The following FNDC7 variants were observed in gnomAD, a reference collection of about 807,000 sequenced individuals.
FNDC7 encodes fibronectin type III domain containing 7, also known as fibronectin type III domain-containing protein 7.
A neutral mutation model predicts 74.2 loss-of-function variants in FNDC7; 66 were observed. The ratio of observed to expected loss-of-function variants is 0.89; its 90% CI spans 0.73 to 1.09. The LOEUF (loss-of-function observed/expected upper bound fraction) is 1.09. Among genes scored for constraint, FNDC7 ranks in the 50% least tolerant of loss-of-function variants. The probability of loss-of-function intolerance (pLI) is 0.00; values close to 1 mark genes in which losing one functional copy is unlikely to be tolerated. For missense variants in FNDC7, 829 were observed against 893.4 expected, an observed-to-expected ratio of 0.93 and a Z score of 0.92; for synonymous variants, 307 against 330.2, an observed-to-expected ratio of 0.93 and a Z score of 0.76.
chr1:108,720,474 C>A (rs758925892), intron 4 of FNDC7, among the ~76,000 whole-genome samples: 2 of 152,194 alleles, frequency 1.3e-5, no homozygotes, highest in African/African-American at 2.4e-5. Context: ...TTAAAGACTT[C>A]CCCTACATAG....
In FNDC7 at chr1:108,742,014, C is replaced by G. The variant is rs1270334520; in HGVS notation, c.*127C>G. The G allele has an allele frequency of 1.2e-5, 7 of 597,232 alleles. No individual in the cohort carries two copies. The highest frequency in any genetic ancestry group is 2.0e-5 in the South Asian group (1 of 49,128). The allele number at this position is 597,232 out of a possible 1,614,324, so 37.0% of individuals were successfully genotyped here. On this transcript the variant is annotated 3_prime_UTR_variant, in exon 13 of 13. Transcript: ENST00000370017. ...TCTAGGATAGGAAAAGCTCCTTTGG[C>G]CTTTAGAAGAACAACTCTGACTCTG...
chr1:108,734,668 T>C (rs1661470033), intron 10 of FNDC7: 1 of 152,212 alleles, frequency 6.6e-6, no homozygotes, highest in Non-Finnish European at 1.5e-5. Flanking sequence ...GCTGTCATGC[T>C]CTGATTCCTT....
rs546566271 is a variant in FNDC7 at position 108,732,885 on chromosome 1, T to C, written c.1880-387T>C. ...AACTCCTGGCCTTAAGCCATCCTCC[T>C]GCCTCATCCTCCCAAGGGGACCACA... is the stretch of plus-strand genomic sequence containing the variant. On this transcript the variant is annotated intron_variant, in intron 9 of 12. Coordinates refer to ENST00000370017, the MANE Select transcript of FNDC7 (RefSeq NM_001144937.3). Among the ~76,000 whole-genome samples, 3 of 152,016 alleles carry C rather than the reference T, an allele frequency of 2.0e-5. No homozygotes were observed. The East Asian group carries it at 5.8e-4, about 29-fold the overall frequency.
chr1:108,741,752 T>C, intron 11 of FNDC7, 21 bp from the exon 12 acceptor site: 3 of 1,613,178 alleles, frequency 1.9e-6, no homozygotes, highest in Non-Finnish European at 8.5e-7. Flanking sequence ...TTTTACTGCT[T>C]CCCTTCCTTA....
chr1:108,728,355 C>T (rs1341060850), intron 7 of FNDC7, among the ~76,000 whole-genome samples: 4 of 152,196 alleles, frequency 2.6e-5, no homozygotes, highest in Admixed American at 2.6e-4. Flanking sequence ...CCTGTACTCA[C>T]ACCATGAAGG....
rs372272275 is a variant in FNDC7 at position 108,713,100 on chromosome 1, G to C, written c.63+104G>C. On this transcript the variant is annotated intron_variant, in intron 1 of 12. Coordinates refer to ENST00000370017, the MANE Select transcript of FNDC7 (RefSeq NM_001144937.3). ...TGAGGAGTTGGGGAATAGGGAGATAGAAATCAGAATACTTTGGTTTGTACC... is the reference window on the plus strand; with the variant it reads ...TGAGGAGTTGGGGAATAGGGAGATACAAATCAGAATACTTTGGTTTGTACC... 1.5e-4 allele frequency: 160 copies of C among 1,035,976 alleles called. 2 individuals are homozygous for C. The South Asian group carries it at 2.3e-3, about 15-fold the overall frequency. 64.2% of individuals were successfully genotyped at this position (1,035,976 alleles called of 1,614,324 possible). A position where few individuals can be genotyped will look rare whatever the true frequency, so the allele number is the denominator to read the frequency against.
chr1:108,737,102 G>T (rs563958324), intron 10 of FNDC7, among the ~76,000 whole-genome samples: 9 of 151,870 alleles, frequency 5.9e-5, no homozygotes, highest in Non-Finnish European at 8.8e-5. Flanking sequence ...GAGTAGCTGG[G>T]ATTACAGGTG....
chr1:108,714,589 C>T (rs1462150308), intron 2 of FNDC7, among the ~76,000 whole-genome samples: 1 of 147,674 alleles, frequency 6.8e-6, no homozygotes, highest in Non-Finnish European at 1.5e-5. Flanking sequence ...GTCTGCTTGG[C>T]CATATACAAA....
At chr1:108,714,501 C>A (rs2101075054) in intron 2 of FNDC7, among the ~76,000 whole-genome samples, 1 of 152,278 alleles carries the variant, frequency 6.6e-6, no homozygotes, top group Non-Finnish European at 1.5e-5. Flanking sequence ...CATAGCAACA[C>A]CCCACCTCTT....
At chr1:108,737,643 G>T (rs564230471) in intron 11 of FNDC7, 119 bp downstream of exon 11, 2 of 730,916 alleles carry the variant, frequency 2.7e-6, no homozygotes, top group East Asian at 5.6e-5. Flanking sequence ...TGATACAAGG[G>T]GCTCCTGCTC....
chr1:108,732,035 G>T (rs1464643860), intron 9 of FNDC7, among the ~76,000 whole-genome samples: 1 of 152,110 alleles, frequency 6.6e-6, no homozygotes, highest in Non-Finnish European at 1.5e-5. Flanking sequence ...CTAATGTGTG[G>T]CTTGCTCAAG....
intron 10 of FNDC7, among the ~76,000 whole-genome samples, chr1:108,734,888 C>T (rs1202671633): frequency 6.6e-6 from 1 of 152,182 alleles, no homozygotes; most frequent in African/African-American, 2.4e-5. Flanking sequence ...ATATGCTATG[C>T]TATAGGCTCA....
chr1:108,730,695 T>C lies in FNDC7; in HGVS notation c.1646T>C (p.Leu549Pro). Residue 549 changes from leucine (L) to proline (P), a missense_variant, in exon 9 of 13, where the codon CTG (leucine) becomes CCG (proline). Coordinates refer to ENST00000370017, the MANE Select transcript of FNDC7 (RefSeq NM_001144937.3). ...TAAGTGCCATGCTGTCCAACCGGTCTGACAGTAACTCAAATCACCCAGTCA... is the reference window on the plus strand; with the variant it reads ...TAAGTGCCATGCTGTCCAACCGGTCCGACAGTAACTCAAATCACCCAGTCA... ...LETVPCCPTG[L>P]TVTQITQSVI... 3 of 1,591,142 alleles carry C rather than the reference T, an allele frequency of 1.9e-6. No homozygotes were observed. The highest frequency in any genetic ancestry group is 2.6e-6 in the Non-Finnish European group (3 of 1,165,596).
In FNDC7 at chr1:108,725,844, G is replaced by T. The variant is rs113506602; in HGVS notation, c.951G>T (p.Val317=). 24 of 1,484,956 alleles carry T rather than the reference G, an allele frequency of 1.6e-5. No individual in the cohort carries two copies. The highest frequency in any genetic ancestry group is 1.5e-4 in the African/African-American group (10 of 64,950). 92.0% of individuals were successfully genotyped at this position (1,484,956 alleles called of 1,614,324 possible). A position where few individuals can be genotyped will look rare whatever the true frequency, so the allele number is the denominator to read the frequency against. The stretch of plus-strand genomic sequence containing the variant: ...GTGTAGATCTGGGTGACTACTATGT[G>T]GTCTTTGTGAAGAGTGATGATGGCT... The part of the protein sequence containing the change: ...WSSVDLGDYY[V]VFVKSDDGLE... Residue 317 remains valine, a synonymous_variant, in exon 6 of 13, where the codon GTG becomes GTT. Coordinates refer to ENST00000370017, the MANE Select transcript of FNDC7 (RefSeq NM_001144937.3).
chr1:108,717,071 C>T (rs1353542276), intron 2 of FNDC7, among the ~76,000 whole-genome samples: 1 of 152,154 alleles, frequency 6.6e-6, no homozygotes, highest in African/African-American at 2.4e-5. Context: ...AAACCATAGC[C>T]CGGCCCATCA....
At position 108,725,756 on chromosome 1, in the gene FNDC7, G is replaced by A; in HGVS notation, c.863G>A (p.Cys288Tyr). The change falls in exon 6 of 13, where the codon TGT becomes TAT. Residue 288 changes from cysteine (C) to tyrosine (Y), a missense_variant. Cys to Tyr is a radical substitution (Grantham distance 194). Coordinates refer to ENST00000370017, the MANE Select transcript of FNDC7 (RefSeq NM_001144937.3). ...SSAMTLKTVA[C>Y]APGRVTIQED... ...ATTATTGATCATTTCCTAGTTGCTT[G>A]TGCACCCGGAAGAGTGACGATCCAA... 1 of 1,613,604 alleles carries A rather than the reference G, an allele frequency of 6.2e-7. No individual in the cohort carries two copies. Among genetic ancestry groups the A allele is most frequent in the Non-Finnish European group, 8.5e-7 (1 of 1,179,716 alleles).
In FNDC7 at chr1:108,717,823, C is replaced by T. The variant is rs148258315; in HGVS notation, c.129C>T (p.Asn43=). 3.2e-6 allele frequency: 5 copies of T among 1,551,728 alleles called. No individual in the cohort carries two copies. Among genetic ancestry groups the T allele is most frequent in the East Asian group, 4.9e-5 (2 of 40,926 alleles). ...ATCAGGCATATTCAAAACTCAGCAA[C>T]AGTATCACTGTAGAATGGGCTACAG... ...TIDQAYSKLS[N]SITVEWATVP... is the part of the protein sequence containing the mutation. Residue 43 remains asparagine (N), a synonymous_variant, in exon 3 of 13, where the codon AAC becomes AAT. Transcript: ENST00000370017.
chr1:108,733,186 A>AT (rs1661431173), intron 9 of FNDC7, 86 bp from the exon 10 acceptor site: 4 of 1,520,556 alleles, frequency 2.6e-6, no homozygotes, highest in Middle Eastern at 1.8e-4. Context: ...GTTTGCTTAT[A>AT]TTTTTTCCCT....
Position 108,722,318 on chromosome 1 carries a change from G to T in FNDC7, c.599-17G>T. Reference sequence around the variant, plus strand: ...GTAAGGCTACTACAAAATCTTAATTGTTTCTCTAAAATGTAGGTCCTCGGG... The same window carrying T: ...GTAAGGCTACTACAAAATCTTAATTTTTTCTCTAAAATGTAGGTCCTCGGG... On this transcript the variant is annotated splice_polypyrimidine_tract_variant and intron_variant, in intron 4 of 12. Transcript: ENST00000370017. 9 of 1,561,064 alleles carry T rather than the reference G, an allele frequency of 5.8e-6. No homozygotes were observed. Among genetic ancestry groups the T allele is most frequent in the South Asian group, 1.2e-5 (1 of 84,274 alleles).
Sources: gnomAD v4.1 joint callset for allele counts (sites outside exome capture counted in the v4.1 genomes callset) on GRCh38, gnomAD v4.1.1 for gene constraint, MANE v1.5 for transcripts, NCBI Gene and HGNC (gene_info 2026-07-23, HGNC 2026-07-21) for gene names.